Variants in ZBTB16 observed in about 807,000 individuals in gnomAD.
ZBTB16 encodes zinc finger and BTB domain-containing protein 16.
In ZBTB16, 8 loss-of-function variants were observed where a neutral mutation model predicts 56.8. The ratio of observed to expected loss-of-function variants is 0.14; its 90% CI spans 0.08 to 0.25. The LOEUF (loss-of-function observed/expected upper bound fraction) is 0.25. ZBTB16 is among the 10% of genes least tolerant of loss of function. The pLI is 1.00. For missense variants in ZBTB16, 625 were observed against 903.0 expected (o/e 0.69, Z 3.95); for synonymous variants, 363 against 368.5 (o/e 0.98, Z 0.17).
At chr11:114,195,030 A>G (rs971016625) in intron 4 of ZBTB16, among the ~76,000 whole-genome samples, 3 of 152,234 alleles carry the variant, frequency 2.0e-5, no homozygotes, top group Non-Finnish European at 4.4e-5. Flanking sequence ...GCAGTTAATA[A>G]ATTTAAAAAT....
At chr11:114,138,444 G>T (rs1471125237) in intron 2 of ZBTB16, among the ~76,000 whole-genome samples, 2 of 152,168 alleles carry the variant, frequency 1.3e-5, no homozygotes, top group Non-Finnish European at 2.9e-5. Flanking sequence ...ACTAAGTTTT[G>T]CATCTCCCTT....
At chr11:114,066,640 C>G (rs1303738674) in intron 2 of ZBTB16, among the ~76,000 whole-genome samples, 2 of 152,116 alleles carry the variant, frequency 1.3e-5, no homozygotes, top group Admixed American at 6.5e-5. Flanking sequence ...GACCCTCATT[C>G]CTCTGGGGAG....
chr11:114,107,259 C>T (rs1418855631), intron 2 of ZBTB16, among the ~76,000 whole-genome samples: 2 of 152,176 alleles, frequency 1.3e-5, no homozygotes, highest in East Asian at 1.9e-4. Context: ...GTATAAGCCT[C>T]ACCTGCCTTG....
rs184144390 is a variant in ZBTB16, at chr11:114,089,313, C to T, written c.1268+24745C>T. 2.0e-5 allele frequency among the ~76,000 whole-genome samples: 3 copies of T among 152,134 alleles called. No homozygotes were observed. The East Asian group carries it at 5.8e-4, about 29-fold the overall frequency. Reference sequence around the variant, plus strand: ...ATTCAGTATCTCTTGCTGGCTTAGGCTTCATAATGTCTCATTTGTACATCA... The same window carrying T: ...ATTCAGTATCTCTTGCTGGCTTAGGTTTCATAATGTCTCATTTGTACATCA... On this transcript the variant is annotated intron_variant, in intron 2 of 6. Coordinates refer to ENST00000335953, the MANE Select transcript of ZBTB16 (RefSeq NM_006006.6).
At chr11:114,138,090 C>G (rs1291201626) in intron 2 of ZBTB16, among the ~76,000 whole-genome samples, 1 of 152,152 alleles carries the variant, frequency 6.6e-6, no homozygotes, top group African/African-American at 2.4e-5. Flanking sequence ...CGGCCAGGCT[C>G]TGTTCCCAAG....
chr11:114,138,783 C>T (rs541583553), intron 2 of ZBTB16, among the ~76,000 whole-genome samples: 9 of 151,906 alleles, frequency 5.9e-5, no homozygotes, highest in South Asian at 4.2e-4. Flanking sequence ...CTCTGTCTCC[C>T]GAGTTCAAGA....
At chr11:114,235,061 G>A (rs1944536082) in intron 4 of ZBTB16, among the ~76,000 whole-genome samples, 2 of 152,162 alleles carry the variant, frequency 1.3e-5, no homozygotes. Context: ...GGTGGAGGGA[G>A]GGGGAAGTTT....
At chr11:114,216,501 A>G (rs1335066928) in intron 4 of ZBTB16, among the ~76,000 whole-genome samples, 1 of 152,218 alleles carries the variant, frequency 6.6e-6, no homozygotes, top group Non-Finnish European at 1.5e-5. Flanking sequence ...CTGCTGCACA[A>G]GCCCAGCCTT....
At chr11:114,127,273 T>G (rs1941533420) in intron 2 of ZBTB16, among the ~76,000 whole-genome samples, 1 of 152,134 alleles carries the variant, frequency 6.6e-6, no homozygotes. Context: ...TCTCTTCCAT[T>G]GCAGATCAAG....
chr11:114,059,968 G>T lies in ZBTB16; in HGVS notation c.-91+86G>T, dbSNP rs1938755152. 1 of 394,312 alleles carries T rather than the reference G, an allele frequency of 2.5e-6. No homozygotes were observed. The highest frequency in any genetic ancestry group is 4.4e-5 in the Admixed American group (1 of 22,586). 24.4% of individuals were successfully genotyped at this position (394,312 alleles called of 1,614,324 possible). A position where few individuals can be genotyped will look rare whatever the true frequency, so the allele number is the denominator to read the frequency against. On this transcript the variant is annotated intron_variant, in intron 1 of 6. Transcript: ENST00000335953. The surrounding 1 kb of genome is among the most constrained non-coding windows in gnomAD (Gnocchi z 5.3). ...GGGGCTGGAGAGGTCTGGGGGGCGC[G>T]CGCTCGCTTCGGCCACTCGGCCGCT...
intron 2 of ZBTB16, among the ~76,000 whole-genome samples, chr11:114,149,106 C>A (rs1320399291): frequency 6.6e-6 from 1 of 152,130 alleles, no homozygotes; most frequent in Non-Finnish European, 1.5e-5. Context: ...CCCATGTCAG[C>A]CCCACAGCCT....
intron 2 of ZBTB16, among the ~76,000 whole-genome samples, chr11:114,108,484 C>T (rs1940881349): frequency 6.6e-6 from 1 of 152,174 alleles, no homozygotes; most frequent in Non-Finnish European, 1.5e-5. Context: ...TGCTCTCTGT[C>T]TTCTTGTTCT....
chr11:114,092,416 C>T (rs1191762217), intron 2 of ZBTB16, among the ~76,000 whole-genome samples: 3 of 152,174 alleles, frequency 2.0e-5, no homozygotes, highest in Non-Finnish European at 4.4e-5. Flanking sequence ...CACACTGCCT[C>T]GATCCTCTTG....
intron 4 of ZBTB16, among the ~76,000 whole-genome samples, chr11:114,192,004 C>A (rs1219444623): frequency 1.3e-5 from 2 of 152,154 alleles, no homozygotes; most frequent in African/African-American, 4.8e-5. Flanking sequence ...TAGCTTAAAA[C>A]AATAAAGTGT....
At chr11:114,070,596 T>A (rs1424260007) in intron 2 of ZBTB16, among the ~76,000 whole-genome samples, 1 of 152,194 alleles carries the variant, frequency 6.6e-6, no homozygotes, top group Non-Finnish European at 1.5e-5. Flanking sequence ...GCCTTCTAAT[T>A]CACAGTCCTG....
chr11:114,088,140 C>CTT (rs10695166), intron 2 of ZBTB16, among the ~76,000 whole-genome samples: 55,450 of 122,878 alleles, frequency 0.45, 13,399 homozygotes, highest in East Asian at 0.71. Flanking sequence ...CCAGATACTT[C>CTT]TTTTTTTTTT....
At chr11:114,202,753 C>T (rs1488278704) in intron 4 of ZBTB16, among the ~76,000 whole-genome samples, 5 of 152,160 alleles carry the variant, frequency 3.3e-5, no homozygotes, top group East Asian at 1.9e-4. Flanking sequence ...TGCGGAGCCC[C>T]GGGGTGAGGG....
At chr11:114,079,734 G>A (rs934922217) in intron 2 of ZBTB16, among the ~76,000 whole-genome samples, 3 of 152,236 alleles carry the variant, frequency 2.0e-5, no homozygotes, top group Admixed American at 6.5e-5. Context: ...GACTCGGAAG[G>A]CAGATTCTGG....
At chr11:114,079,710 C>CT (rs1939692218) in intron 2 of ZBTB16, among the ~76,000 whole-genome samples, 1 of 152,156 alleles carries the variant, frequency 6.6e-6, no homozygotes, top group Admixed American at 6.5e-5. Flanking sequence ...TAAGCACTGT[C>CT]GGCTGCTGTG....
Sources: gnomAD v4.1 joint callset for allele counts (sites outside exome capture counted in the v4.1 genomes callset) on GRCh38, gnomAD v4.1.1 for gene constraint, Gnocchi (gnomAD v3.1) non-coding constraint, MANE v1.5 for transcripts, NCBI Gene and HGNC (gene_info 2026-07-23, HGNC 2026-07-21) for gene names.